The following TENM3 variants were observed in gnomAD, a reference collection of about 807,000 sequenced individuals.
TENM3 encodes teneurin-3.
A neutral mutation model predicts 255.1 loss-of-function variants in TENM3; 63 were observed. That is an observed-to-expected ratio of 0.25 (90% CI 0.20 to 0.30). The LOEUF (loss-of-function observed/expected upper bound fraction) is 0.30, where lower values mean the gene tolerates loss of function less well. TENM3 is among the 10% of genes least tolerant of loss of function. TENM3 has a pLI of 1.00. For missense variants in TENM3, 2,929 were observed against 3,461.1 expected (o/e 0.85, Z 3.86); for synonymous variants, 1,306 against 1,322.3 (o/e 0.99, Z 0.27).
At chr4:181,563,345 T>C in the TENM3 span, among the ~76,000 whole-genome samples, 1 of 152,280 alleles carries the variant, frequency 6.6e-6, no homozygotes. Context: ...TTTCTCACTA[T>C]GTGTGTTTCT....
At chr4:182,014,702 A>G in the TENM3 span, among the ~76,000 whole-genome samples, 4 of 152,066 alleles carry the variant, frequency 2.6e-5, no homozygotes, top group African/African-American at 9.7e-5. Flanking sequence ...AGCAGTATGG[A>G]TGGGGCACTG....
At chr4:182,090,680 A>G in the TENM3 span, among the ~76,000 whole-genome samples, 5 of 152,150 alleles carry the variant, frequency 3.3e-5, no homozygotes, top group Non-Finnish European at 7.3e-5. Context: ...ATTTCCCATT[A>G]TTTCTCAGTA....
At chr4:181,810,030 T>C in the TENM3 span, among the ~76,000 whole-genome samples, 1 of 152,046 alleles carries the variant, frequency 6.6e-6, no homozygotes, top group Admixed American at 6.6e-5. Flanking sequence ...CTTGTGATAA[T>C]GTGTTATAGC....
the TENM3 span, among the ~76,000 whole-genome samples, chr4:181,707,656 A>C: frequency 1.3e-5 from 2 of 152,190 alleles, no homozygotes; most frequent in African/African-American, 2.4e-5. Context: ...GTGACTAAAA[A>C]TGTGTAAGAA....
At chr4:181,950,268 T>C in the TENM3 span, among the ~76,000 whole-genome samples, 1 of 151,978 alleles carries the variant, frequency 6.6e-6, no homozygotes, top group African/African-American at 2.4e-5. Context: ...AATTTTCCTT[T>C]ATCTACCCAA....
chr4:182,340,167 T>C (rs531936540), intron 2 of TENM3, among the ~76,000 whole-genome samples: 24 of 152,312 alleles, frequency 1.6e-4, no homozygotes, highest in Admixed American at 4.6e-4. Context: ...TTCATTCTAG[T>C]CCTGGCTTTT....
chr4:182,007,693 T>C, the TENM3 span, among the ~76,000 whole-genome samples: 1 of 152,354 alleles, frequency 6.6e-6, no homozygotes, highest in African/African-American at 2.4e-5. Context: ...CCAGTCTGTG[T>C]CTTTTAATTG....
chr4:181,633,030 G>A, the TENM3 span, among the ~76,000 whole-genome samples: 6 of 152,162 alleles, frequency 3.9e-5, no homozygotes, highest in Admixed American at 3.9e-4. Flanking sequence ...TCAGATTCCT[G>A]TCTGAAATTT....
chr4:182,225,840 C>G (rs1210434314), intron 1 of TENM3, among the ~76,000 whole-genome samples: 1 of 152,046 alleles, frequency 6.6e-6, no homozygotes, highest in African/African-American at 2.4e-5. Context: ...AAGGTTAGAC[C>G]GGGGTCTCAC....
chr4:182,403,774 T>G (rs1400554869), intron 3 of TENM3, among the ~76,000 whole-genome samples: 2 of 152,186 alleles, frequency 1.3e-5, no homozygotes, highest in African/African-American at 4.8e-5. Context: ...CAGGCTGTGG[T>G]GCAGTGGCAT....
At chr4:181,474,097 T>C in the TENM3 span, among the ~76,000 whole-genome samples, 2 of 151,760 alleles carry the variant, frequency 1.3e-5, no homozygotes, top group Non-Finnish European at 2.9e-5. Flanking sequence ...CACTCATAAG[T>C]GGGAGGTGAA....
the TENM3 span, among the ~76,000 whole-genome samples, chr4:181,577,106 TTATATA>T: frequency 8.2e-5 from 11 of 133,374 alleles, no homozygotes; most frequent in Admixed American, 6.8e-4. Flanking sequence ...TATTTTATTA[TTATATA>T]ATAATAAATT....
the TENM3 span, among the ~76,000 whole-genome samples, chr4:181,490,595 T>A: frequency 6.6e-6 from 1 of 152,174 alleles, no homozygotes; most frequent in African/African-American, 2.4e-5. Context: ...GTCATTTTTA[T>A]GGAGTTTTCA....
chr4:182,274,724 A>G (rs1759877504), intron 1 of TENM3, among the ~76,000 whole-genome samples: 1 of 152,192 alleles, frequency 6.6e-6, no homozygotes. Context: ...TTGCAAGATA[A>G]TGATTACTTT....
the TENM3 span, among the ~76,000 whole-genome samples, chr4:181,627,595 T>G: frequency 1.3e-5 from 2 of 152,192 alleles, no homozygotes; most frequent in African/African-American, 4.8e-5. Context: ...GTTTGGTTTT[T>G]TGTTCTTGCA....
intron 1 of TENM3, among the ~76,000 whole-genome samples, chr4:182,189,737 G>C (rs912847758): frequency 6.6e-6 from 1 of 152,174 alleles, no homozygotes; most frequent in Non-Finnish European, 1.5e-5. Context: ...AGGCGTGTGG[G>C]TGTGTGTGTT....
At chr4:181,582,263 C>G in the TENM3 span, among the ~76,000 whole-genome samples, 2 of 151,868 alleles carry the variant, frequency 1.3e-5, no homozygotes, top group African/African-American at 4.8e-5. Context: ...GTTGTGCATG[C>G]TTTGCATTGA....
intron 22 of TENM3, among the ~76,000 whole-genome samples, chr4:182,760,192 C>T (rs553764408): frequency 4.3e-4 from 66 of 152,252 alleles, no homozygotes; most frequent in Non-Finnish European, 7.9e-4. Context: ...TCATGCTGCT[C>T]TTCACACCAC....
At chr4:181,772,113 C>T in the TENM3 span, among the ~76,000 whole-genome samples, 1 of 152,140 alleles carries the variant, frequency 6.6e-6, no homozygotes, top group Non-Finnish European at 1.5e-5. Context: ...GGTGTGGTGG[C>T]TCACGCCTGT....
Sources: allele counts gnomAD v4.1 joint callset (sites outside exome capture counted in the v4.1 genomes callset), GRCh38; gene constraint gnomAD v4.1.1; transcripts MANE v1.5; gene names NCBI Gene and HGNC (gene_info 2026-07-23, HGNC 2026-07-21).